PDE6B: variants seen among roughly 807,000 people sequenced by gnomAD.
PDE6B encodes the protein phosphodiesterase 6B.
In PDE6B, 106 loss-of-function variants were observed where a neutral mutation model predicts 109.0. The ratio of observed to expected loss-of-function variants is 0.97; its 90% CI spans 0.83 to 1.14. The LOEUF (loss-of-function observed/expected upper bound fraction) is 1.14, where lower values mean the gene tolerates loss of function less well. PDE6B is among the 50% of genes most tolerant of loss of function. The probability of loss-of-function intolerance (pLI) is 0.00; values close to 1 mark genes in which losing one functional copy is unlikely to be tolerated. For synonymous variants in PDE6B, 490 were observed against 471.3 expected, an observed-to-expected ratio of 1.04 and a Z score of -0.51; for missense variants, 1,193 against 1,155.6, an observed-to-expected ratio of 1.03 and a Z score of -0.47.
In PDE6B at chr4:654,805, A is replaced by G. The variant is rs1736009847; in HGVS notation, c.928-19A>G. ...AGCTTGGCCAGGCAGCCCCCCGACC[A>G]GTGTCTTCTGCTTCTCAGGAAATTG... On this transcript the variant is annotated intron_variant, in intron 5 of 21. Transcript: ENST00000496514. The G allele has an allele frequency of 1.4e-6, 2 of 1,387,686 alleles. No individual in the cohort carries two copies. Among genetic ancestry groups the G allele is most frequent in the African/African-American group, 1.4e-5 (1 of 70,722 alleles). 86.0% of individuals were successfully genotyped at this position (1,387,686 alleles called of 1,614,324 possible). A position where few individuals can be genotyped will look rare whatever the true frequency, so the allele number is the denominator to read the frequency against.
chr4:654,988 C>T, intron 6 of PDE6B, 100 bp downstream of exon 6: 1 of 809,954 alleles, frequency 1.2e-6, no homozygotes, highest in Non-Finnish European at 2.2e-6. Context: ...TCCCACGGTG[C>T]AGTCAGCAGC....
At chr4:647,159 G>C (rs1398924320) in intron 3 of PDE6B, among the ~76,000 whole-genome samples, 1 of 152,022 alleles carries the variant, frequency 6.6e-6, no homozygotes, top group Admixed American at 6.5e-5. Flanking sequence ...CGCCTGGCCT[G>C]ATCATAGTAA....
chr4:628,338 G>A (rs763292456), intron 1 of PDE6B, among the ~76,000 whole-genome samples: 7 of 152,196 alleles, frequency 4.6e-5, no homozygotes, highest in South Asian at 4.1e-4. Flanking sequence ...GAGCCGCACC[G>A]GCCAGTTCAG....
rs1208815170 is a variant in PDE6B at position 655,541 on chromosome 4, T to TCCCAAGAGGGAGGGGCC, written c.993-396_993-380dup. On this transcript the variant is annotated intron_variant, in intron 6 of 21. Coordinates refer to ENST00000496514, the MANE Select transcript of PDE6B (RefSeq NM_000283.4). ...ATACGGCCTCCGGAGAGGGAGGGGT[T>TCCCAAGAGGGAGGGGCC]CCCAAGAGGGAGGGGCCCCAGCACG... 8.3e-6 allele frequency: 3 copies of TCCCAAGAGGGAGGGGCC among 360,624 alleles called. No individual in the cohort carries two copies. The East Asian group carries it at 2.1e-4, about 26-fold the overall frequency. The allele number at this position is 360,624 out of a possible 1,614,324, so 22.3% of individuals were successfully genotyped here.
rs113010384 is a variant in PDE6B, at chr4:636,988, G to A, written c.711+1019G>A. On this transcript the variant is annotated intron_variant, in intron 3 of 21. Transcript: ENST00000496514. The surrounding 1 kb of genome is among the most constrained non-coding windows in gnomAD (Gnocchi z 4.5). ...GGACCAGGGAGAGCATCTGTGTAAT[G>A]TATCTGGAATTCTTTTGCGTGAGAG... Among the ~76,000 whole-genome samples, 246 of 152,370 alleles carry A rather than the reference G, an allele frequency of 1.6e-3. No homozygotes were observed. The highest frequency in any genetic ancestry group is 2.8e-3 in the Non-Finnish European group (193 of 68,038).
intron 3 of PDE6B, among the ~76,000 whole-genome samples, chr4:637,767 T>C (rs1734762801): frequency 6.6e-6 from 1 of 152,228 alleles, no homozygotes; most frequent in South Asian, 2.1e-4. Context: ...GCTGCAAATG[T>C]TCCTGCACGT....
At chr4:649,024 G>A (rs1007164578) in intron 3 of PDE6B, among the ~76,000 whole-genome samples, 1 of 152,156 alleles carries the variant, frequency 6.6e-6, no homozygotes, top group Non-Finnish European at 1.5e-5. Context: ...AGTGGCGGGA[G>A]CCTGTTGAGC....
chr4:668,734 GCCATGCTATTCCCCTACC>G lies in PDE6B; in HGVS notation c.2503+754_2503+771del, dbSNP rs1309954370. ...CCCTACCCCATGCTATTCCTGCTAT[GCCATGCTATTCCCCTACC>G]CCATGCTATTCCCCTACCCCATGCT... On this transcript the variant is annotated intron_variant, in intron 21 of 21. Coordinates refer to ENST00000496514, the MANE Select transcript of PDE6B (RefSeq NM_000283.4). 1.3e-3 allele frequency among the ~76,000 whole-genome samples: 80 copies of G among 61,066 alleles called. 2 individuals carry two copies. Among genetic ancestry groups the G allele is most frequent in the Non-Finnish European group, 1.0e-3 (36 of 34,576 alleles). The allele number at this position is 61,066 out of a possible 152,430, so 40.1% of individuals were successfully genotyped here.
chr4:646,296 C>A (rs560658836), intron 3 of PDE6B, among the ~76,000 whole-genome samples: 1 of 152,078 alleles, frequency 6.6e-6, no homozygotes, highest in African/African-American at 2.4e-5. Context: ...ACTTCCAATA[C>A]TTCACTCTCC....
Position 629,029 on chromosome 4 carries a change from C to T in PDE6B, c.468+2935C>T, listed in dbSNP as rs1293734838. Among the ~76,000 whole-genome samples the T allele has an allele frequency of 2.0e-5, 3 of 152,244 alleles. No individual in the cohort carries two copies. The East Asian group carries it at 5.8e-4, about 29-fold the overall frequency. On this transcript the variant is annotated intron_variant, in intron 1 of 21. Coordinates refer to ENST00000496514, the MANE Select transcript of PDE6B (RefSeq NM_000283.4). Reference sequence around the variant, plus strand: ...CCTAAAACCTTGGGCTCAGGAACCACAGGTCCCAGAAGGCGGACACCAGGC... The same window carrying T: ...CCTAAAACCTTGGGCTCAGGAACCATAGGTCCCAGAAGGCGGACACCAGGC...
intron 1 of PDE6B, among the ~76,000 whole-genome samples, chr4:630,801 G>T (rs1192723785): frequency 1.3e-5 from 2 of 152,240 alleles, no homozygotes; most frequent in Non-Finnish European, 2.9e-5. Flanking sequence ...GGGTGTGGGG[G>T]CTGGTGAGAC....
chr4:650,077 G>C lies in PDE6B; in HGVS notation c.712-3775G>C, dbSNP rs573554235. Among the ~76,000 whole-genome samples, 19 of 152,264 alleles carry C rather than the reference G, an allele frequency of 1.2e-4. No individual in the cohort carries two copies. The South Asian group carries it at 2.7e-3, about 22-fold the overall frequency. The stretch of plus-strand genomic sequence containing the variant: ...CCCAGGCTGCTCGAACCATCCCCGG[G>C]GCCTTGTGGATGCAGCAGGTGTATC... On this transcript the variant is annotated intron_variant, in intron 3 of 21. Coordinates refer to ENST00000496514, the MANE Select transcript of PDE6B (RefSeq NM_000283.4).
rs973623563 is a variant in PDE6B, at chr4:663,667, G to A, written c.1921-103G>A. ...CCCGCCCACCGAGGGCCCGAGGGCG[G>A]GGGCGTGAGAGGCACAGGCAGCCGA... is the stretch of plus-strand genomic sequence containing the variant. On this transcript the variant is annotated intron_variant, in intron 15 of 21. Coordinates refer to ENST00000496514, the MANE Select transcript of PDE6B (RefSeq NM_000283.4). This position sits in a 1 kb window ranked among gnomAD's most constrained non-coding sequence, Gnocchi z 4.0. The A allele has an allele frequency of 2.9e-5, 24 of 820,394 alleles. No homozygotes were observed. In the Admixed American group the frequency reaches 3.9e-4, roughly 13 times the overall value. The allele number at this position is 820,394 out of a possible 1,614,324, so 50.8% of individuals were successfully genotyped here.
Position 666,395 on chromosome 4 carries a change from CCA to C in PDE6B, c.2269-135_2269-134del. ...GGGTGTCAGCTTCCCCTCCCGAGAG[CCA>C]GTTTCTGTCAGGCAGGCTCGTCCCA... On this transcript the variant is annotated intron_variant, in intron 19 of 21. Coordinates refer to ENST00000496514, the MANE Select transcript of PDE6B (RefSeq NM_000283.4). This position sits in a 1 kb window ranked among gnomAD's most constrained non-coding sequence, Gnocchi z 5.6. The C allele has an allele frequency of 1.4e-6, 1 of 700,272 alleles. No homozygotes were observed. Among genetic ancestry groups the C allele is most frequent in the Admixed American group, 2.0e-5 (1 of 50,950 alleles). 43.4% of individuals were successfully genotyped at this position (700,272 alleles called of 1,614,324 possible).
intron 2 of PDE6B, 23 bp from the exon 3 acceptor site, chr4:635,840 ACTGGAATTTTAATTCCT>A (rs779263322): frequency 1.8e-6 from 2 of 1,081,894 alleles, no homozygotes; most frequent in African/African-American, 3.1e-5. Flanking sequence ...ATGTCTGAAA[ACTGGAATTTTAATTCCT>A]CTTGTTGCAA....
In PDE6B at chr4:641,573, C is replaced by T. The variant is rs1334737575; in HGVS notation, c.711+5604C>T. Reference sequence around the variant, plus strand: ...CGGCAGGGGCAGGCCACCTAGGCGTCCCAGCTCCTGGGGGACCCATGAGGC... The same window carrying T: ...CGGCAGGGGCAGGCCACCTAGGCGTTCCAGCTCCTGGGGGACCCATGAGGC... On this transcript the variant is annotated intron_variant, in intron 3 of 21. Coordinates refer to ENST00000496514, the MANE Select transcript of PDE6B (RefSeq NM_000283.4). Among the ~76,000 whole-genome samples the T allele has an allele frequency of 2.0e-5, 3 of 152,344 alleles. No individual in the cohort carries two copies. In the East Asian group the frequency reaches 5.8e-4, roughly 29 times the overall value.
intron 3 of PDE6B, among the ~76,000 whole-genome samples, chr4:642,269 T>C (rs1356188325): frequency 6.6e-6 from 1 of 151,404 alleles, no homozygotes; most frequent in Non-Finnish European, 1.5e-5. Context: ...GTCGGGAGTT[T>C]GAGATCAGCC....
chr4:657,551 G>T, intron 10 of PDE6B, 57 bp downstream of exon 10: 1 of 1,563,714 alleles, frequency 6.4e-7, no homozygotes, highest in Non-Finnish European at 8.8e-7. Context: ...TGTGGCAGGG[G>T]CAGGTCGTCC....
chr4:648,201 T>C lies in PDE6B; in HGVS notation c.712-5651T>C, dbSNP rs1254384612. Among the ~76,000 whole-genome samples, 1 of 152,048 alleles carries C rather than the reference T, an allele frequency of 6.6e-6. No homozygotes were observed. Among genetic ancestry groups the C allele is most frequent in the East Asian group, 1.9e-4 (1 of 5,206 alleles). On this transcript the variant is annotated intron_variant, in intron 3 of 21. Transcript: ENST00000496514. The surrounding 1 kb of genome is among the most constrained non-coding windows in gnomAD (Gnocchi z 4.5). Reference sequence around the variant, plus strand: ...CCTAGGAAACTCCTTGTTTCCAGCCTCTCAGTCTGCAGGCATGTGGAGACC... The same window carrying C: ...CCTAGGAAACTCCTTGTTTCCAGCCCCTCAGTCTGCAGGCATGTGGAGACC...
Sources: allele counts gnomAD v4.1 joint callset (sites outside exome capture counted in the v4.1 genomes callset), GRCh38; gene constraint gnomAD v4.1.1; non-coding constraint Gnocchi (gnomAD v3.1); transcripts MANE v1.5; gene names NCBI Gene and HGNC (gene_info 2026-07-23, HGNC 2026-07-21).